The following PRDM16 variants were observed in gnomAD, a reference collection of about 807,000 sequenced individuals.
The protein encoded by PRDM16 is histone-lysine N-methyltransferase PRDM16.
PRDM16 carries 23 observed loss-of-function variants against 110.6 expected under a neutral mutation model. The ratio of observed to expected loss-of-function variants is 0.21; its 90% CI spans 0.15 to 0.29. The LOEUF is 0.29. Ranked by LOEUF, PRDM16 falls within the 10% of genes least tolerant of loss-of-function variation. PRDM16 has a pLI of 1.00. For missense variants in PRDM16, 1,615 were observed against 1,794.3 expected, an observed-to-expected ratio of 0.90 and a Z score of 1.81; for synonymous variants, 799 against 781.8, an observed-to-expected ratio of 1.02 and a Z score of -0.37.
At chr1:3,299,379 G>T (rs539086771) in intron 3 of PRDM16, among the ~76,000 whole-genome samples, 3 of 91,920 alleles carry the variant, frequency 3.3e-5, no homozygotes, top group African/African-American at 9.6e-5. Context: ...TCAGATCCCA[G>T]TTGTGGTGAC....
intron 3 of PRDM16, among the ~76,000 whole-genome samples, chr1:3,327,760 G>T (rs1001333904): frequency 7.2e-5 from 11 of 152,134 alleles, no homozygotes; most frequent in Non-Finnish European, 1.3e-4. Context: ...CTGCAGGGGA[G>T]ACCTCAAGAG....
rs1639756883 is a variant in PRDM16, at chr1:3,245,006, G to A, written c.438+869G>A. Among the ~76,000 whole-genome samples the A allele has an allele frequency of 6.6e-6, 1 of 152,188 alleles. No individual in the cohort carries two copies. The highest frequency in any genetic ancestry group is 2.4e-5 in the African/African-American group (1 of 41,448). The stretch of plus-strand genomic sequence containing the variant: ...TCTCGCTTGGCATCTTTGCTTTAAA[G>A]CAAGATAAAATTTAGAGAGAGTCAC... On this transcript the variant is annotated intron_variant, in intron 3 of 16. Transcript: ENST00000270722. The surrounding 1 kb of genome is among the most constrained non-coding windows in gnomAD (Gnocchi z 4.7).
intron 3 of PRDM16, among the ~76,000 whole-genome samples, chr1:3,318,493 T>G (rs1304763489): frequency 1.3e-5 from 2 of 152,366 alleles, no homozygotes; most frequent in Non-Finnish European, 2.9e-5. Context: ...ATTGATTATT[T>G]TTCTACCATC....
intron 3 of PRDM16, among the ~76,000 whole-genome samples, chr1:3,383,824 T>A (rs866160467): frequency 7.1e-6 from 1 of 141,104 alleles, no homozygotes; most frequent in African/African-American, 2.4e-5. Flanking sequence ...CAGACACACC[T>A]GCTCAAAGAC....
intron 3 of PRDM16, among the ~76,000 whole-genome samples, chr1:3,361,752 G>A (rs1203986343): frequency 1.3e-5 from 2 of 152,196 alleles, no homozygotes; most frequent in Non-Finnish European, 2.9e-5. Context: ...AGGGCAGGTG[G>A]TGAGAAGTGA....
rs777280472 is a variant in PRDM16 at position 3,340,641 on chromosome 1, C to G, written c.439-44511C>G. Among the ~76,000 whole-genome samples, 30 of 152,336 alleles carry G rather than the reference C, an allele frequency of 2.0e-4. 1 individual carries two copies. The highest frequency in any genetic ancestry group is 4.0e-4 in the Non-Finnish European group (27 of 68,030). ...AATAGAGCCGGGACACTCAATAAGCCAATTGTTAGCTCCATCGATCTTATT... is the reference window on the plus strand; with the variant it reads ...AATAGAGCCGGGACACTCAATAAGCGAATTGTTAGCTCCATCGATCTTATT... On this transcript the variant is annotated intron_variant, in intron 3 of 16. Coordinates refer to ENST00000270722, the MANE Select transcript of PRDM16 (RefSeq NM_022114.4).
intron 1 of PRDM16, among the ~76,000 whole-genome samples, chr1:3,099,205 C>G (rs1305657475): frequency 6.6e-6 from 1 of 152,244 alleles, no homozygotes; most frequent in Non-Finnish European, 1.5e-5. Context: ...TCGGTCAGCC[C>G]TTCAGCTGTG....
intron 1 of PRDM16, among the ~76,000 whole-genome samples, chr1:3,127,134 G>A (rs192754995): frequency 2.0e-5 from 3 of 152,176 alleles, no homozygotes; most frequent in East Asian, 1.9e-4. Context: ...AGGCCCAGAC[G>A]GTCTCTTGTT....
intron 14 of PRDM16, among the ~76,000 whole-genome samples, chr1:3,430,152 A>G (rs1383960780): frequency 1.3e-5 from 2 of 152,188 alleles, no homozygotes; most frequent in African/African-American, 4.8e-5. Flanking sequence ...GGTCGTGAAC[A>G]TGAAGATGAG....
intron 2 of PRDM16, among the ~76,000 whole-genome samples, chr1:3,242,463 G>A (rs1639696243): frequency 6.6e-6 from 1 of 152,234 alleles, no homozygotes; most frequent in Non-Finnish European, 1.5e-5. Flanking sequence ...GACCTGGGAT[G>A]GCCAAACGGT....
At chr1:3,409,322 A>G (rs1643628804) in intron 8 of PRDM16, among the ~76,000 whole-genome samples, 1 of 151,914 alleles carries the variant, frequency 6.6e-6, no homozygotes, top group African/African-American at 2.4e-5. Flanking sequence ...ACCGAGGGGT[A>G]TTTACAGACC....
At chr1:3,164,602 G>T (rs1279276340) in intron 1 of PRDM16, among the ~76,000 whole-genome samples, 3 of 152,224 alleles carry the variant, frequency 2.0e-5, no homozygotes, top group Non-Finnish European at 2.9e-5. Flanking sequence ...AGCCCGCTCG[G>T]TGTCTCTGGA....
chr1:3,160,749 G>C (rs1643891042), intron 1 of PRDM16, among the ~76,000 whole-genome samples: 1 of 152,216 alleles, frequency 6.6e-6, no homozygotes, highest in Admixed American at 6.5e-5. Flanking sequence ...TGTGCAGTGG[G>C]AACTGCAAGA....
chr1:3,335,095 G>C (rs546263076), intron 3 of PRDM16, among the ~76,000 whole-genome samples: 4 of 152,192 alleles, frequency 2.6e-5, no homozygotes, highest in Non-Finnish European at 5.9e-5. Context: ...GCTTCAGGAG[G>C]GTGGGCGCCC....
chr1:3,211,795 G>A (rs548662712), intron 2 of PRDM16, among the ~76,000 whole-genome samples: 69 of 152,250 alleles, frequency 4.5e-4, no homozygotes, highest in South Asian at 1.0e-3. Flanking sequence ...CAGCACGAGC[G>A]TGTCCATGCG....
rs936829546 is a variant in PRDM16, at chr1:3,245,049, C to T, written c.438+912C>T. Among the ~76,000 whole-genome samples, 2 of 152,136 alleles carry T rather than the reference C, an allele frequency of 1.3e-5. No homozygotes were observed. Among genetic ancestry groups the T allele is most frequent in the Non-Finnish European group, 2.9e-5 (2 of 68,024 alleles). On this transcript the variant is annotated intron_variant, in intron 3 of 16. Transcript: ENST00000270722. This position sits in a 1 kb window ranked among gnomAD's most constrained non-coding sequence, Gnocchi z 4.7. ...AGAGTCACATTTACACATCCCCACC[C>T]AGACAGCATCGCAGGGGGCGGGGTG...
intron 1 of PRDM16, among the ~76,000 whole-genome samples, chr1:3,121,161 G>A (rs1007728664): frequency 3.3e-5 from 5 of 152,134 alleles, no homozygotes; most frequent in South Asian, 2.1e-4. Context: ...CACGGAGCCC[G>A]CAGGTCACAG....
chr1:3,360,789 C>G (rs1288900248), intron 3 of PRDM16, among the ~76,000 whole-genome samples: 1 of 152,234 alleles, frequency 6.6e-6, no homozygotes, highest in Non-Finnish European at 1.5e-5. Context: ...CAGATGACAA[C>G]AGGAGCGGAA....
intron 3 of PRDM16, chr1:3,306,701 T>C (rs1339353669): frequency 6.6e-6 from 1 of 152,230 alleles, no homozygotes; most frequent in Non-Finnish European, 1.5e-5. Context: ...ACGCAAACAA[T>C]GCACCCCATT....
Sources: allele counts gnomAD v4.1 joint callset (sites outside exome capture counted in the v4.1 genomes callset), GRCh38; gene constraint gnomAD v4.1.1; non-coding constraint Gnocchi (gnomAD v3.1); transcripts MANE v1.5; gene names NCBI Gene and HGNC (gene_info 2026-07-23, HGNC 2026-07-21).